EXD3: variants seen among roughly 807,000 people sequenced by gnomAD.
The protein encoded by EXD3 is exonuclease 3'-5' domain containing 3, also known as exonuclease mut-7 homolog.
Under a neutral mutation model 98.0 loss-of-function variants are expected in EXD3, and 92 were observed. The ratio of observed to expected loss-of-function variants is 0.94; its 90% CI spans 0.79 to 1.12. The LOEUF is 1.12. EXD3 is among the 50% of genes most tolerant of loss of function. The pLI is 0.00. For synonymous variants in EXD3, 569 were observed against 526.0 expected (o/e 1.08, Z -1.12); for missense variants, 1,222 against 1,191.6 (o/e 1.03, Z -0.38).
intron 7 of EXD3, among the ~76,000 whole-genome samples, chr9:137,362,969 C>T (rs1373115390): frequency 1.3e-5 from 2 of 151,966 alleles, no homozygotes; most frequent in African/African-American, 2.4e-5. Context: ...AGCCACCACA[C>T]CCGGCTAATT....
In EXD3 at chr9:137,324,467, ACT is replaced by A. The variant is rs1286374916; in HGVS notation, c.1999-326_1999-325del. 1.3e-5 allele frequency among the ~76,000 whole-genome samples: 2 copies of A among 152,002 alleles called. No individual in the cohort carries two copies. Among genetic ancestry groups the A allele is most frequent in the East Asian group, 1.9e-4 (1 of 5,192 alleles). On this transcript the variant is annotated intron_variant, in intron 17 of 21. Transcript: ENST00000340951. This position sits in a 1 kb window ranked among gnomAD's most constrained non-coding sequence, Gnocchi z 4.1. ...AACATACACAGAAGTATTCCAAGAG[ACT>A]CTGTAGAGATTTGAAAACACAGTAA...
chr9:137,343,912 G>GTTTTT, intron 17 of EXD3, among the ~76,000 whole-genome samples: 1 of 44,354 alleles, frequency 2.3e-5, no homozygotes, highest in African/African-American at 9.8e-5. Flanking sequence ...TTTTTTTTGA[G>GTTTTT]ACAGAGTCTC....
chr9:137,307,262 G>A lies in EXD3; in HGVS notation c.2319C>T (p.Gly773=), dbSNP rs1831093588. The A allele has an allele frequency of 2.6e-6, 4 of 1,511,268 alleles. No individual in the cohort carries two copies. Among genetic ancestry groups the A allele is most frequent in the Non-Finnish European group, 3.5e-6 (4 of 1,132,532 alleles). The allele number at this position is 1,511,268 out of a possible 1,614,324, so 93.6% of individuals were successfully genotyped here. The change falls in exon 22 of 22, where the codon GGC becomes GGT. Residue 773 remains glycine, a splice_region_variant and synonymous_variant. Transcript: ENST00000340951. ...ATQSQAVQEP[G]PAPDAAPEGC... ...CCTCAGGGGCTGCGTCTGGGGCTGGGCCTGGACAGATAGAAGTGGACTCCC... is the reference window on the plus strand; with the variant it reads ...CCTCAGGGGCTGCGTCTGGGGCTGGACCTGGACAGATAGAAGTGGACTCCC...
rs1564197113 is a variant in EXD3, at chr9:137,385,236, T to C, written c.56-1859A>G. ...CCACCATCGTGCACAGTGTGCTGCA[T>C]ACAGAGGCTGAGAACACTCAAATGT... On this transcript the variant is annotated intron_variant, in intron 2 of 21. Coordinates refer to ENST00000340951, the MANE Select transcript of EXD3 (RefSeq NM_017820.5). The surrounding 1 kb of genome is among the most constrained non-coding windows in gnomAD (Gnocchi z 4.4). 6.6e-6 allele frequency among the ~76,000 whole-genome samples: 1 copy of C among 152,186 alleles called. No homozygotes were observed. Among genetic ancestry groups the C allele is most frequent in the African/African-American group, 2.4e-5 (1 of 41,456 alleles).
intron 2 of EXD3, among the ~76,000 whole-genome samples, chr9:137,391,347 T>C (rs1025500006): frequency 2.6e-5 from 4 of 152,240 alleles, no homozygotes; most frequent in Middle Eastern, 3.4e-3. Flanking sequence ...GCGTGGACGC[T>C]GGATGTGAGG....
chr9:137,420,124 C>T (rs914003995), intron 1 of EXD3, among the ~76,000 whole-genome samples: 2 of 151,928 alleles, frequency 1.3e-5, no homozygotes, highest in African/African-American at 4.8e-5. Context: ...TGTACCACTG[C>T]ACTCCAGCCT....
In EXD3 at chr9:137,407,524, G is replaced by A. The variant is rs537881010; in HGVS notation, c.-47-12120C>T. Among the ~76,000 whole-genome samples the A allele has an allele frequency of 6.6e-5, 10 of 152,238 alleles. No individual in the cohort carries two copies. The highest frequency in any genetic ancestry group is 1.9e-4 in the East Asian group (1 of 5,166). Reference sequence around the variant, plus strand: ...CCAGCCCCACAACCCAGAACCCAGCGTCCCCGCCCCCATCTCCCGGGATCC... The same window carrying A: ...CCAGCCCCACAACCCAGAACCCAGCATCCCCGCCCCCATCTCCCGGGATCC... On this transcript the variant is annotated intron_variant, in intron 1 of 21. Transcript: ENST00000340951. This position sits in a 1 kb window ranked among gnomAD's most constrained non-coding sequence, Gnocchi z 4.4.
In EXD3 at chr9:137,324,325, T is replaced by G. The variant is rs1832268292; in HGVS notation, c.1999-182A>C. ...GGAGCCCTCTGCCGGGTCCTGGGTG[T>G]CGCCTCATTGTATAGATTTAATCTT... On this transcript the variant is annotated intron_variant, in intron 17 of 21. Coordinates refer to ENST00000340951, the MANE Select transcript of EXD3 (RefSeq NM_017820.5). The surrounding 1 kb of genome is among the most constrained non-coding windows in gnomAD (Gnocchi z 4.1). Among the ~76,000 whole-genome samples, 1 of 152,146 alleles carries G rather than the reference T, an allele frequency of 6.6e-6. No homozygotes were observed. Among genetic ancestry groups the G allele is most frequent in the Non-Finnish European group, 1.5e-5 (1 of 68,022 alleles).
At position 137,329,971 on chromosome 9, in the gene EXD3, G is replaced by GCTACATGGGA. The variant is rs1286240438; in HGVS notation, c.1999-5829_1999-5828insTCCCATGTAG. On this transcript the variant is annotated intron_variant, in intron 17 of 21. Transcript: ENST00000340951. Reference sequence around the variant, plus strand: ...AGGACCACACAGGAGCTATACAGGAGCTACACGGGACTACACAGGACTACA... The same window carrying GCTACATGGGA: ...AGGACCACACAGGAGCTATACAGGAGCTACATGGGACTACACGGGACTACACAGGACTACA... Among the ~76,000 whole-genome samples, 2 of 9,058 alleles carry GCTACATGGGA rather than the reference G, an allele frequency of 2.2e-4. 1 individual carries two copies. The highest frequency in any genetic ancestry group is 1.7e-3 in the African/African-American group (2 of 1,148). 5.9% of individuals were successfully genotyped at this position (9,058 alleles called of 152,430 possible).
At chr9:137,356,424 G>T in intron 7 of EXD3, 56 bp from the exon 8 acceptor site, 1 of 1,186,456 alleles carries the variant, frequency 8.4e-7, no homozygotes, top group Non-Finnish European at 1.2e-6. Context: ...TACATTTTAA[G>T]ATTTTCATTT....
chr9:137,321,112 C>T (rs1275864028), intron 19 of EXD3, among the ~76,000 whole-genome samples: 1 of 152,268 alleles, frequency 6.6e-6, no homozygotes, highest in African/African-American at 2.4e-5. Context: ...GTACAGGTGC[C>T]TGGCCGGCTG....
intron 7 of EXD3, among the ~76,000 whole-genome samples, chr9:137,357,741 T>TGC (rs1175368840): frequency 1.5e-4 from 14 of 91,660 alleles, no homozygotes; most frequent in Non-Finnish European, 2.9e-4. Flanking sequence ...TATATATATA[T>TGC]GTGTATATAT....
intron 2 of EXD3, among the ~76,000 whole-genome samples, chr9:137,390,206 G>A (rs1377007725): frequency 2.0e-5 from 3 of 150,126 alleles, no homozygotes; most frequent in Non-Finnish European, 4.4e-5. Flanking sequence ...TGAGGTGGGC[G>A]GATCATGAGG....
chr9:137,311,173 A>G (rs1471187148), intron 19 of EXD3, among the ~76,000 whole-genome samples: 4 of 152,170 alleles, frequency 2.6e-5, no homozygotes, highest in African/African-American at 9.6e-5. Context: ...TGGGCTAGGG[A>G]GACAGGACCC....
intron 1 of EXD3, among the ~76,000 whole-genome samples, chr9:137,412,820 C>T (rs1331670071): frequency 1.3e-5 from 2 of 152,196 alleles, no homozygotes; most frequent in Non-Finnish European, 2.9e-5. Context: ...CACTGTCGCC[C>T]AGGATGGAGT....
At chr9:137,370,423 G>A (rs923639929) in intron 5 of EXD3, among the ~76,000 whole-genome samples, 1 of 152,074 alleles carries the variant, frequency 6.6e-6, no homozygotes, top group Admixed American at 6.5e-5. Context: ...CGAGCCCGGG[G>A]CTGGGCCATG....
intron 1 of EXD3, among the ~76,000 whole-genome samples, chr9:137,417,712 G>A (rs1316604405): frequency 6.6e-6 from 1 of 152,146 alleles, no homozygotes; most frequent in Non-Finnish European, 1.5e-5. Flanking sequence ...GGAGGTCGGC[G>A]CAGGCGACAT....
rs369502265 is a variant in EXD3, at chr9:137,313,925, C to T, written c.2185-4225G>A. ...CACCTTCCCTGGACAGGCCTCTGCA[C>T]GGCTAGGACTGTGTGCGGAGATCCT... On this transcript the variant is annotated intron_variant, in intron 19 of 21. Transcript: ENST00000340951. Among the ~76,000 whole-genome samples, 37 of 152,338 alleles carry T rather than the reference C, an allele frequency of 2.4e-4. No homozygotes were observed. In the East Asian group the frequency reaches 5.6e-3, roughly 23 times the overall value.
chr9:137,319,292 C>G (rs531702380), intron 19 of EXD3, among the ~76,000 whole-genome samples: 1 of 152,228 alleles, frequency 6.6e-6, no homozygotes, highest in Non-Finnish European at 1.5e-5. Flanking sequence ...GTGGCAGGCC[C>G]GGGGTCTGCA....
Sources: allele counts gnomAD v4.1 joint callset (sites outside exome capture counted in the v4.1 genomes callset), GRCh38; gene constraint gnomAD v4.1.1; non-coding constraint Gnocchi (gnomAD v3.1); transcripts MANE v1.5; gene names NCBI Gene and HGNC (gene_info 2026-07-23, HGNC 2026-07-21).